The following KIF11 variants were observed in gnomAD, a reference collection of about 807,000 sequenced individuals.
KIF11 encodes the protein kinesin-like protein KIF11.
KIF11 carries 9 observed loss-of-function variants against 121.0 expected under a neutral mutation model. The observed-to-expected ratio is 0.07, with a 90% CI of 0.04 to 0.13. The LOEUF (loss-of-function observed/expected upper bound fraction) is 0.13. Among genes scored for constraint, KIF11 ranks in the 10% least tolerant of loss-of-function variants. The pLI, the probability that KIF11 is intolerant of heterozygous loss-of-function variation, is 1.00. For synonymous variants in KIF11, 408 were observed against 421.0 expected (o/e 0.97, Z 0.38); for missense variants, 846 against 1,217.5 (o/e 0.69, Z 4.54).
chr10:92,617,085 T>TA (rs1411208136), intron 9 of KIF11, among the ~76,000 whole-genome samples: 5 of 152,358 alleles, frequency 3.3e-5, no homozygotes, highest in Non-Finnish European at 7.3e-5. Flanking sequence ...CAAAATTTAT[T>TA]TATTTGCATT....
intron 21 of KIF11, among the ~76,000 whole-genome samples, chr10:92,650,907 G>T (rs1358260159): frequency 1.3e-5 from 2 of 152,088 alleles, no homozygotes; most frequent in African/African-American, 2.4e-5. Context: ...TTGAGAGACT[G>T]GAGGCCTCTT....
intron 1 of KIF11, chr10:92,596,932 C>T: frequency 3.3e-6 from 1 of 303,032 alleles, no homozygotes; most frequent in South Asian, 3.7e-5. Context: ...TATGTGTCTG[C>T]AGTGCTGAAA....
Position 92,622,858 on chromosome 10 carries a change from T to G in KIF11, c.1217+1385T>G, listed in dbSNP as rs190303775. On this transcript the variant is annotated intron_variant, in intron 10 of 21. Transcript: ENST00000260731. ...AAACTTACAATCCTGGTAGAAGAGC[T>G]AAGGAGAAGCAAGCACATATTCACA... Among the ~76,000 whole-genome samples the G allele has an allele frequency of 5.0e-3, 753 of 152,078 alleles. 3 individuals are homozygous for G. Among genetic ancestry groups the G allele is most frequent in the African/African-American group, 0.017 (707 of 41,506 alleles).
intron 12 of KIF11, among the ~76,000 whole-genome samples, chr10:92,631,123 T>TA (rs879436165): frequency 3.9e-3 from 532 of 137,026 alleles, no homozygotes; most frequent in Non-Finnish European, 5.0e-3. Flanking sequence ...CCATCTCTAC[T>TA]AAAAAAAAAA....
intron 6 of KIF11, among the ~76,000 whole-genome samples, chr10:92,610,460 C>T (rs145789967): frequency 6.6e-6 from 1 of 152,252 alleles, no homozygotes; most frequent in African/African-American, 2.4e-5. Context: ...AAGTTAGAAA[C>T]TCCTTTTTTC....
intron 1 of KIF11, among the ~76,000 whole-genome samples, chr10:92,598,094 TA>T (rs59877288): frequency 0.13 from 19,540 of 152,180 alleles, 3,354 homozygotes; most frequent in African/African-American, 0.39. Context: ...ACAAACATTT[TA>T]AATTTTTATG....
chr10:92,637,235 A>G lies in KIF11; in HGVS notation c.1927A>G (p.Thr643Ala), dbSNP rs548745627. 5 of 1,587,452 alleles carry G rather than the reference A, an allele frequency of 3.1e-6. No homozygotes were observed. In the South Asian group the frequency reaches 3.5e-5, roughly 11 times the overall value. ...LSSLEMILSPTVVSILKINSQ... is the reference protein window; with the variant it reads ...LSSLEMILSPAVVSILKINSQ... The stretch of plus-strand genomic sequence containing the variant: ...TTCACTGGAAATGATTTTATCCCCA[A>G]CTGTGGTGTCTATACTGAAAATCAA... The change falls in exon 15 of 22, where the codon ACT becomes GCT. Residue 643 changes from threonine (T) to alanine (A), a missense_variant. Physicochemically the swap from Thr to Ala is moderately conservative, Grantham distance 58. Coordinates refer to ENST00000260731, the MANE Select transcript of KIF11 (RefSeq NM_004523.4).
Position 92,654,046 on chromosome 10 carries a change from C to G in KIF11, c.*250C>G. On this transcript the variant is annotated 3_prime_UTR_variant, in exon 22 of 22. Transcript: ENST00000260731. ...TAAAAATTAGCCGGGCGTGGTGGCA[C>G]ACTCCTGTAATCCCAGCTACTGGGG... 1 of 301,510 alleles carries G rather than the reference C, an allele frequency of 3.3e-6. No individual in the cohort carries two copies. The highest frequency in any genetic ancestry group is 6.4e-6 in the Non-Finnish European group (1 of 156,824). 18.7% of individuals were successfully genotyped at this position (301,510 alleles called of 1,614,324 possible). A position where few individuals can be genotyped will look rare whatever the true frequency, so the allele number is the denominator to read the frequency against.
intron 1 of KIF11, among the ~76,000 whole-genome samples, chr10:92,597,473 C>T (rs527976072): frequency 1.3e-5 from 2 of 152,000 alleles, no homozygotes; most frequent in African/African-American, 4.8e-5. Flanking sequence ...CCTTGTTGGC[C>T]AGGCTGGTCT....
chr10:92,624,935 A>C (rs1367016999), intron 10 of KIF11, among the ~76,000 whole-genome samples: 1 of 151,462 alleles, frequency 6.6e-6, no homozygotes, highest in Non-Finnish European at 1.5e-5. Flanking sequence ...GCACCTGGCT[A>C]ATTTTTGTAT....
At position 92,633,633 on chromosome 10, in the gene KIF11, G is replaced by A. The variant is rs1409543867; in HGVS notation, c.1713G>A (p.Leu571=). The A allele has an allele frequency of 2.5e-6, 4 of 1,602,748 alleles. No homozygotes were observed. The Admixed American group carries it at 5.1e-5, about 20-fold the overall frequency. Residue 571 remains leucine (L), a synonymous_variant, in exon 14 of 22, where the codon CTG becomes CTA. Coordinates refer to ENST00000260731, the MANE Select transcript of KIF11 (RefSeq NM_004523.4). ...EVHKTLFGNL[L]SSSVSALDTI... ...TTTTGTTTGTTATAGGTAATCTGCT[G>A]TCTTCCAGTGTCTCTGCATTAGATA... is the stretch of plus-strand genomic sequence containing the variant.
At chr10:92,596,193 C>T (rs12262350) in intron 1 of KIF11, among the ~76,000 whole-genome samples, 12,057 of 152,146 alleles carry the variant, frequency 0.079, 1,164 homozygotes, top group African/African-American at 0.23. Context: ...TTAGTAGAGA[C>T]GGGGTTTCAC....
At chr10:92,623,563 A>G (rs1332726061) in intron 10 of KIF11, among the ~76,000 whole-genome samples, 2 of 152,248 alleles carry the variant, frequency 1.3e-5, no homozygotes, top group Non-Finnish European at 2.9e-5. Context: ...CTCTAATAGT[A>G]TATAAATCAT....
intron 6 of KIF11, among the ~76,000 whole-genome samples, chr10:92,611,505 T>C (rs1335354289): frequency 3.3e-5 from 5 of 151,982 alleles, no homozygotes; most frequent in African/African-American, 7.3e-5. Flanking sequence ...CCATGCCCGG[T>C]GGAGATGAAT....
intron 1 of KIF11, among the ~76,000 whole-genome samples, chr10:92,596,331 T>C (rs538529150): frequency 1.3e-5 from 2 of 152,376 alleles, no homozygotes; most frequent in South Asian, 2.1e-4. Flanking sequence ...TTAGCTATTA[T>C]GAATAATGTT....
At chr10:92,605,784 C>G (rs1476234947) in intron 1 of KIF11, among the ~76,000 whole-genome samples, 2 of 152,098 alleles carry the variant, frequency 1.3e-5, no homozygotes, top group Non-Finnish European at 2.9e-5. Flanking sequence ...CTGCGCCCAG[C>G]CTTGATCAGA....
chr10:92,615,790 ATTCCTTTTTACAGG>A (rs1416846420), intron 8 of KIF11, among the ~76,000 whole-genome samples: 1 of 149,964 alleles, frequency 6.7e-6, no homozygotes, highest in African/African-American at 2.4e-5. Context: ...GCAATACTTT[ATTCCTTTTTACAGG>A]TGAATATTAT....
intron 1 of KIF11, among the ~76,000 whole-genome samples, chr10:92,594,563 G>T (rs1056935533): frequency 1.3e-5 from 2 of 152,098 alleles, no homozygotes; most frequent in African/African-American, 4.8e-5. Flanking sequence ...TACCTTTTCC[G>T]TATGCATTTA....
chr10:92,606,646 G>T lies in KIF11; in HGVS notation c.238G>T (p.Asp80Tyr). The change falls in exon 3 of 22, where the codon GAT becomes TAT. Residue 80 changes from aspartate (D) to tyrosine (Y), a missense_variant. This residue lies in a region of KIF11 where 140 missense variants were observed against 193.5 expected (regional missense o/e 0.72). Coordinates refer to ENST00000260731, the MANE Select transcript of KIF11 (RefSeq NM_004523.4). ...GTTTGGAGCATCTACTAAACAGATT[G>T]ATGTTTACCGAAGTGTTGTTTGTCC... ...MVFGASTKQI[D>Y]VYRSVVCPIL... is the part of the protein sequence containing the mutation. 6.3e-7 allele frequency: 1 copy of T among 1,583,294 alleles called. No homozygotes were observed. The highest frequency in any genetic ancestry group is 8.7e-7 in the Non-Finnish European group (1 of 1,153,214).
Sources: allele counts gnomAD v4.1 joint callset (sites outside exome capture counted in the v4.1 genomes callset), GRCh38; gene constraint gnomAD v4.1.1; regional missense constraint gnomAD v4.1.1; transcripts MANE v1.5; gene names NCBI Gene and HGNC (gene_info 2026-07-23, HGNC 2026-07-21).